VCPKMT: variants seen among roughly 807,000 people sequenced by gnomAD.
VCPKMT encodes the protein valosin containing protein lysine methyltransferase.
In VCPKMT, 32 loss-of-function variants were observed where a neutral mutation model predicts 28.6. The observed-to-expected ratio is 1.12, with a 90% CI of 0.84 to 1.50. The LOEUF (loss-of-function observed/expected upper bound fraction) is 1.50, where lower values mean the gene tolerates loss of function less well. Ranked by LOEUF, VCPKMT falls within the 40% of genes most tolerant of loss-of-function variation. VCPKMT has a pLI of 0.00. For missense variants in VCPKMT, 366 were observed against 285.0 expected (o/e 1.28, Z -2.05); for synonymous variants, 138 against 111.4 (o/e 1.24, Z -1.50).
chr14:50,116,263 T>C, intron 1 of VCPKMT, 24 bp downstream of exon 1: 2 of 1,528,216 alleles, frequency 1.3e-6, no homozygotes, highest in Admixed American at 1.8e-5. Flanking sequence ...CGCCCCCACA[T>C]CCCGCCCGCC....
intron 5 of VCPKMT, chr14:50,111,325 C>T (rs1882642068): frequency 1.0e-6 from 1 of 985,232 alleles, no homozygotes; most frequent in Non-Finnish European, 1.2e-6. Context: ...TCTGTGGCAC[C>T]ATGCCACATA....
the VCPKMT span, among the ~76,000 whole-genome samples, chr14:50,103,520 G>C: frequency 5.3e-5 from 8 of 152,168 alleles, no homozygotes; most frequent in East Asian, 1.5e-3. Flanking sequence ...AATTGAGTAA[G>C]GGTCCAGGGC....
chr14:50,103,107 C>T, the VCPKMT span, among the ~76,000 whole-genome samples: 1 of 152,240 alleles, frequency 6.6e-6, no homozygotes, highest in African/African-American at 2.4e-5. Flanking sequence ...GGCCCAAAGG[C>T]AATTCTTCTC....
intron 5 of VCPKMT, chr14:50,111,076 C>T: frequency 1.5e-6 from 1 of 684,676 alleles, no homozygotes; most frequent in Non-Finnish European, 1.8e-6. Flanking sequence ...GTAATTTACA[C>T]AACTATGTGA....
In VCPKMT at chr14:50,108,789, TA is replaced by T; in HGVS notation, c.*909del. 5.1e-6 allele frequency: 5 copies of T among 985,640 alleles called. No individual in the cohort carries two copies. The highest frequency in any genetic ancestry group is 6.0e-6 in the Non-Finnish European group (5 of 829,928). The allele number at this position is 985,640 out of a possible 1,614,324, so 61.1% of individuals were successfully genotyped here. ...TATATGAGCGAATGGCTTCATAACATAAAACAGAGAGACACAGAACAGAAAT... is the reference window on the plus strand; with the variant it reads ...TATATGAGCGAATGGCTTCATAACATAAACAGAGAGACACAGAACAGAAAT... On this transcript the variant is annotated 3_prime_UTR_variant, in exon 6 of 6. Transcript: ENST00000395860.
intron 5 of VCPKMT, chr14:50,111,310 T>TTG: frequency 1.0e-6 from 1 of 985,432 alleles, no homozygotes; most frequent in Non-Finnish European, 1.2e-6. Flanking sequence ...ACAGTTTTTT[T>TTG]TGTATCTGTG....
At chr14:50,112,836 G>A (rs537944774) in intron 4 of VCPKMT, 117 bp from the exon 5 acceptor site, 6 of 625,808 alleles carry the variant, frequency 9.6e-6, no homozygotes, top group Non-Finnish European at 1.6e-5. Flanking sequence ...ACCCAGGCTG[G>A]AGTGCAGTGG....
At chr14:50,106,987 T>A (rs1271373192), downstream of VCPKMT, among the ~76,000 whole-genome samples, 1 of 152,268 alleles carries the variant, frequency 6.6e-6, no homozygotes, top group African/African-American at 2.4e-5. Flanking sequence ...CCCAAAGTGC[T>A]GGGATTACAG....
At chr14:50,104,529 T>C (rs1882258873), downstream of VCPKMT, among the ~76,000 whole-genome samples, 1 of 152,196 alleles carries the variant, frequency 6.6e-6, no homozygotes, top group South Asian at 2.1e-4. Flanking sequence ...AATATTCTCC[T>C]CTAACAATGT....
intron 3 of VCPKMT, among the ~76,000 whole-genome samples, chr14:50,115,498 T>C (rs573862988): frequency 2.0e-5 from 3 of 152,292 alleles, no homozygotes; most frequent in Non-Finnish European, 4.4e-5. Context: ...ATAACTTAAT[T>C]CTCAATGTCA....
chr14:50,111,657 C>T (rs966682507), intron 5 of VCPKMT: 1 of 974,048 alleles, frequency 1.0e-6, no homozygotes, highest in Non-Finnish European at 1.2e-6. Flanking sequence ...GTGGGCAGGT[C>T]ACTGGAGTCC....
chr14:50,104,336 C>T (rs1028033880), downstream of VCPKMT, among the ~76,000 whole-genome samples: 12 of 152,170 alleles, frequency 7.9e-5, no homozygotes, highest in East Asian at 1.7e-3. Context: ...CTTGAACAAC[C>T]CCAAATATCT....
At chr14:50,103,572 C>T in the VCPKMT span, among the ~76,000 whole-genome samples, 1 of 152,178 alleles carries the variant, frequency 6.6e-6, no homozygotes, top group Non-Finnish European at 1.5e-5. Flanking sequence ...CAAACCCAGG[C>T]TCCCATATTT....
At chr14:50,105,492 G>A (rs112044928), downstream of VCPKMT, among the ~76,000 whole-genome samples, 29,184 of 151,962 alleles carry the variant, frequency 0.19, 2,950 homozygotes, top group East Asian at 0.44. Flanking sequence ...TTAGCTGGGT[G>A]TGGTGGCAGG....
chr14:50,109,850 C>CCATCTATAAA, intron 5 of VCPKMT, 137 bp from the exon 6 acceptor site: 2 of 1,020,816 alleles, frequency 2.0e-6, no homozygotes, highest in Non-Finnish European at 2.7e-6. Context: ...AAGTGAACAA[C>CCATCTATAAA]CATGCATGTT....
At chr14:50,112,835 G>A (rs569281977) in intron 4 of VCPKMT, 116 bp from the exon 5 acceptor site, 6 of 623,334 alleles carry the variant, frequency 9.6e-6, no homozygotes, top group Non-Finnish European at 1.6e-5. Context: ...CACCCAGGCT[G>A]GAGTGCAGTG....
rs762007411 is a variant in VCPKMT at position 50,114,291 on chromosome 14, A to G, written c.564T>C (p.Tyr188=). The change falls in exon 4 of 6, where the codon TAT becomes TAC. Residue 188 remains tyrosine (Y), a synonymous_variant. Coordinates refer to ENST00000395860, the MANE Select transcript of VCPKMT (RefSeq NM_024558.3). ...MGKNPEIEKK[Y]FELLQLDFDF... Reference sequence around the variant, plus strand: ...TAGAGTACTTAATACTTACCTCAAAATATTTTTTCTCAATTTCTGGATTTT... The same window carrying G: ...TAGAGTACTTAATACTTACCTCAAAGTATTTTTTCTCAATTTCTGGATTTT... 1.9e-6 allele frequency: 3 copies of G among 1,582,726 alleles called. No individual in the cohort carries two copies. The South Asian group carries it at 3.6e-5, about 19-fold the overall frequency.
chr14:50,115,129 C>T (rs1302325583), intron 3 of VCPKMT, among the ~76,000 whole-genome samples: 1 of 149,746 alleles, frequency 6.7e-6, no homozygotes, highest in Admixed American at 6.6e-5. Context: ...ATGCCCACAA[C>T]ACTATACAAA....
At chr14:50,116,000 T>C in intron 2 of VCPKMT, 69 bp downstream of exon 2, 1 of 1,593,984 alleles carries the variant, frequency 6.3e-7, no homozygotes, top group Non-Finnish European at 8.6e-7. Context: ...CTTCCATCCT[T>C]TTAATGAAAC....
Sources: gnomAD v4.1 joint callset for allele counts (sites outside exome capture counted in the v4.1 genomes callset) on GRCh38, gnomAD v4.1.1 for gene constraint, MANE v1.5 for transcripts, NCBI Gene and HGNC (gene_info 2026-07-23, HGNC 2026-07-21) for gene names.